Variants in MACC1 observed in about 807,000 individuals in gnomAD.
The protein encoded by MACC1 is MET transcriptional regulator MACC1, also known as metastasis-associated in colon cancer protein 1.
In MACC1, 79 loss-of-function variants were observed where a neutral mutation model predicts 70.7. The ratio of observed to expected loss-of-function variants is 1.12; its 90% CI spans 0.93 to 1.35. MACC1 has a LOEUF of 1.35. MACC1 is among the 40% of genes most tolerant of loss of function. The probability of loss-of-function intolerance (pLI) is 0.00; values close to 1 mark genes in which losing one functional copy is unlikely to be tolerated. For missense variants in MACC1, 1,106 were observed against 978.1 expected (o/e 1.13, Z -1.74); for synonymous variants, 361 against 347.2 (o/e 1.04, Z -0.44).
intron 6 of MACC1, among the ~76,000 whole-genome samples, chr7:20,151,605 A>G (rs1781979612): frequency 1.3e-5 from 2 of 152,242 alleles, no homozygotes; most frequent in Admixed American, 1.3e-4. Flanking sequence ...CAAAAGTGAC[A>G]TTCTCAAAAG....
intron 1 of MACC1, among the ~76,000 whole-genome samples, chr7:20,201,545 T>G (rs1782833548): frequency 6.6e-6 from 1 of 152,136 alleles, no homozygotes; most frequent in African/African-American, 2.4e-5. Flanking sequence ...TAACACAGAC[T>G]GAGGAACTTG....
chr7:20,180,094 G>C (rs1387064063), intron 1 of MACC1, among the ~76,000 whole-genome samples: 1 of 152,102 alleles, frequency 6.6e-6, no homozygotes, highest in African/African-American at 2.4e-5. Context: ...TTCTTGCCTT[G>C]TTCAGGAGAG....
At chr7:20,193,068 T>C (rs1046913905) in intron 1 of MACC1, among the ~76,000 whole-genome samples, 1 of 152,174 alleles carries the variant, frequency 6.6e-6, no homozygotes, top group Non-Finnish European at 1.5e-5. Context: ...CCCCGCAAAA[T>C]AGAATCTGTC....
In MACC1 at chr7:20,191,194, C is replaced by T. The variant is rs928462976; in HGVS notation, c.-217-20416G>A. 3.3e-5 allele frequency among the ~76,000 whole-genome samples: 5 copies of T among 152,204 alleles called. No homozygotes were observed. In the East Asian group the frequency reaches 9.6e-4, roughly 29 times the overall value. On this transcript the variant is annotated intron_variant, in intron 1 of 6. Coordinates refer to ENST00000400331, the MANE Select transcript of MACC1 (RefSeq NM_182762.4). ...AATGTTTAGAGGCTGAAAGATCAAACAGCAGAATGTGAAATAACCCAGCTA... is the reference window on the plus strand; with the variant it reads ...AATGTTTAGAGGCTGAAAGATCAAATAGCAGAATGTGAAATAACCCAGCTA...
chr7:20,146,260 C>T (rs2128100572), intron 6 of MACC1, among the ~76,000 whole-genome samples: 1 of 151,996 alleles, frequency 6.6e-6, no homozygotes, highest in East Asian at 1.9e-4. Flanking sequence ...TTTAATTGTC[C>T]TTTGTGGAAT....
intron 6 of MACC1, among the ~76,000 whole-genome samples, chr7:20,143,285 A>G (rs924221060): frequency 2.6e-5 from 4 of 152,234 alleles, no homozygotes; most frequent in African/African-American, 9.6e-5. Flanking sequence ...AAAAAATAGA[A>G]ACTACAGATT....
chr7:20,166,296 C>A (rs181323425), intron 2 of MACC1, among the ~76,000 whole-genome samples: 105 of 152,242 alleles, frequency 6.9e-4, no homozygotes, highest in African/African-American at 2.5e-3. Flanking sequence ...CCTTCACCTG[C>A]CAAATGCCAA....
intron 1 of MACC1, among the ~76,000 whole-genome samples, chr7:20,204,188 T>C (rs1384892107): frequency 1.3e-5 from 2 of 152,208 alleles, no homozygotes; most frequent in Non-Finnish European, 2.9e-5. Flanking sequence ...GGAGTCTTGC[T>C]CTGTTGCACA....
intron 1 of MACC1, among the ~76,000 whole-genome samples, chr7:20,178,582 C>A (rs747837868): frequency 3.9e-5 from 6 of 152,002 alleles, no homozygotes; most frequent in Non-Finnish European, 7.4e-5. Flanking sequence ...ATGGAGTACA[C>A]CTATGCAGAT....
rs80139277 is a variant in MACC1 at position 20,159,247 on chromosome 7, T to G, written c.1114A>C (p.Ile372Leu). ...ATATATTTGGGTCCATAAATTCCAA[T>G]TGAGGTGGTTTTGTGGATATAATCC... The part of the protein sequence containing the change: ...IWDYIHKTTS[I>L]GIYGPKYIHP... Residue 372 changes from isoleucine to leucine, a missense_variant, in exon 5 of 7, where the codon ATT becomes CTT. By Grantham distance (5) the Ile-to-Leu change is conservative. Transcript: ENST00000400331. 1.4e-3 allele frequency: 2,242 copies of G among 1,613,798 alleles called. 30 individuals carry two copies. Among genetic ancestry groups the G allele is most frequent in the Non-Finnish European group, 4.7e-4 (552 of 1,179,958 alleles).
rs1782292270 is a variant in MACC1, at chr7:20,170,796, A to G, written c.-217-18T>C. On this transcript the variant is annotated intron_variant, in intron 1 of 6. Transcript: ENST00000400331. ...AAGGCTACCTACTTGAAAGAGAATA[A>G]ACATGAATCTTTGGTCACTGTTAAG... 1 of 152,236 alleles carries G rather than the reference A, an allele frequency of 6.6e-6. No individual in the cohort carries two copies. The highest frequency in any genetic ancestry group is 6.5e-5 in the Admixed American group (1 of 15,290). The allele number at this position is 152,236 out of a possible 1,614,324, so 9.4% of individuals were successfully genotyped here. A position where few individuals can be genotyped will look rare whatever the true frequency, so the allele number is the denominator to read the frequency against.
intron 1 of MACC1, among the ~76,000 whole-genome samples, chr7:20,211,949 T>C (rs1309896323): frequency 6.6e-6 from 1 of 152,248 alleles, no homozygotes; most frequent in Non-Finnish European, 1.5e-5. Context: ...GAATAATGTA[T>C]ACTTTATTGT....
chr7:20,139,700 A>G lies in MACC1; in HGVS notation c.*1246T>C, dbSNP rs1781768624. 6.6e-6 allele frequency: 1 copy of G among 152,242 alleles called. No homozygotes were observed. Among genetic ancestry groups the G allele is most frequent in the Admixed American group, 6.5e-5 (1 of 15,288 alleles). The allele number at this position is 152,242 out of a possible 1,614,324, so 9.4% of individuals were successfully genotyped here. A position where few individuals can be genotyped will look rare whatever the true frequency, so the allele number is the denominator to read the frequency against. On this transcript the variant is annotated 3_prime_UTR_variant, in exon 7 of 7. Coordinates refer to ENST00000400331, the MANE Select transcript of MACC1 (RefSeq NM_182762.4). ...CTGGCAGGCAACCAGAGGATTGAAC[A>G]GAGGAGTAAGCAAAATACATCTCTT... is the stretch of plus-strand genomic sequence containing the variant.
At chr7:20,154,695 A>G (rs989036802) in intron 5 of MACC1, among the ~76,000 whole-genome samples, 7 of 152,172 alleles carry the variant, frequency 4.6e-5, no homozygotes, top group Non-Finnish European at 8.8e-5. Flanking sequence ...GTTAAATTAC[A>G]CACTTCCAAT....
intron 1 of MACC1, among the ~76,000 whole-genome samples, chr7:20,203,983 T>G (rs1447795364): frequency 6.6e-6 from 1 of 152,250 alleles, no homozygotes; most frequent in Non-Finnish European, 1.5e-5. Flanking sequence ...CAGACATGTT[T>G]CCATTTGCAT....
rs565715948 is a variant in MACC1, at chr7:20,185,060, G to A, written c.-217-14282C>T. On this transcript the variant is annotated intron_variant, in intron 1 of 6. Transcript: ENST00000400331. ...TTTTAATCGTGAGGGTAGAACACAC[G>A]CCATTACTTTTCAATCTCCTGGTAA... 7 of 152,142 alleles carry A rather than the reference G, an allele frequency of 4.6e-5. No homozygotes were observed. The South Asian group carries it at 1.0e-3, about 23-fold the overall frequency. The allele number at this position is 152,142 out of a possible 1,614,324, so 9.4% of individuals were successfully genotyped here. A position where few individuals can be genotyped will look rare whatever the true frequency, so the allele number is the denominator to read the frequency against.
chr7:20,146,806 A>G (rs1377405041), intron 6 of MACC1, among the ~76,000 whole-genome samples: 1 of 152,230 alleles, frequency 6.6e-6, no homozygotes, highest in Non-Finnish European at 1.5e-5. Context: ...AACCACAAAA[A>G]TTATCTCAGC....
intron 4 of MACC1, among the ~76,000 whole-genome samples, chr7:20,160,990 C>G (rs1270223754): frequency 2.0e-5 from 3 of 152,024 alleles, no homozygotes; most frequent in African/African-American, 4.8e-5. Context: ...GAAATTGAAG[C>G]ATTATTATTT....
At chr7:20,144,413 T>C (rs1415552840) in intron 6 of MACC1, among the ~76,000 whole-genome samples, 1 of 152,134 alleles carries the variant, frequency 6.6e-6, no homozygotes, top group Non-Finnish European at 1.5e-5. Flanking sequence ...GAAAGAAAGA[T>C]AGGTTTGGGT....
Sources: gnomAD v4.1 joint callset for allele counts (sites outside exome capture counted in the v4.1 genomes callset) on GRCh38, gnomAD v4.1.1 for gene constraint, MANE v1.5 for transcripts, NCBI Gene and HGNC (gene_info 2026-07-23, HGNC 2026-07-21) for gene names.